PPFIA2: variants seen among roughly 807,000 people sequenced by gnomAD.
The protein encoded by PPFIA2 is PPFI scaffold protein A2.
In PPFIA2, 46 loss-of-function variants were observed where a neutral mutation model predicts 175.5. That is an observed-to-expected ratio of 0.26 (90% CI 0.21 to 0.34). PPFIA2 has a LOEUF of 0.34. PPFIA2 is among the 10% of genes least tolerant of loss of function. The probability of loss-of-function intolerance (pLI) is 1.00; values close to 1 mark genes in which losing one functional copy is unlikely to be tolerated. For missense variants in PPFIA2, 1,179 were observed against 1,506.1 expected (o/e 0.78, Z 3.60); for synonymous variants, 568 against 511.4 (o/e 1.11, Z -1.49).
intron 29 of PPFIA2, 84 bp from the exon 30 acceptor site, chr12:81,267,104 A>C: frequency 1.0e-6 from 1 of 979,912 alleles, no homozygotes; most frequent in Non-Finnish European, 1.6e-6. Context: ...CTGATAATGT[A>C]TTATAAACCA....
intron 7 of PPFIA2, among the ~76,000 whole-genome samples, chr12:81,426,207 T>C (rs535200798): frequency 6.6e-6 from 1 of 152,240 alleles, no homozygotes; most frequent in Admixed American, 6.5e-5. Flanking sequence ...TTGATTGACG[T>C]TCCTTGGTTG....
chr12:81,473,574 C>T (rs2057068736), intron 4 of PPFIA2, among the ~76,000 whole-genome samples: 1 of 152,176 alleles, frequency 6.6e-6, no homozygotes, highest in Non-Finnish European at 1.5e-5. Flanking sequence ...ATTATCATGA[C>T]ATTTTTCCTG....
At chr12:81,749,629 C>T (rs2083487306) in intron 3 of PPFIA2, among the ~76,000 whole-genome samples, 1 of 144,158 alleles carries the variant, frequency 6.9e-6, no homozygotes, top group Non-Finnish European at 1.6e-5. Context: ...AATGATTATT[C>T]ACATATATGT....
In PPFIA2 at chr12:81,583,449, C is replaced by T. The variant is rs571030460; in HGVS notation, c.303+93342G>A. Among the ~76,000 whole-genome samples, 9 of 151,880 alleles carry T rather than the reference C, an allele frequency of 5.9e-5. No individual in the cohort carries two copies. In the South Asian group the frequency reaches 1.9e-3, roughly 32 times the overall value. ...TTTTCAATTTCTTCAGCATTCTCTG[C>T]CTTCTATCAATAAATACAGTAAAGA... On this transcript the variant is annotated intron_variant, in intron 4 of 32. Coordinates refer to ENST00000549396, the MANE Select transcript of PPFIA2 (RefSeq NM_003625.5).
intron 21 of PPFIA2, among the ~76,000 whole-genome samples, chr12:81,338,268 G>A (rs1163131210): frequency 6.6e-6 from 1 of 151,992 alleles, no homozygotes; most frequent in Non-Finnish European, 1.5e-5. Context: ...TACCACTGTA[G>A]GTAGGAGTTT....
chr12:81,379,576 T>C (rs2141858307), intron 9 of PPFIA2, among the ~76,000 whole-genome samples: 1 of 152,282 alleles, frequency 6.6e-6, no homozygotes, highest in African/African-American at 2.4e-5. Context: ...TATATCATTA[T>C]CCATACACAA....
chr12:81,758,332 T>TG (rs2085014082), intron 2 of PPFIA2, 68 bp downstream of exon 2: 1 of 446,666 alleles, frequency 2.2e-6, no homozygotes, highest in African/African-American at 2.0e-5. Flanking sequence ...GGGGGCGGGG[T>TG]GGGGCCGGGG....
At chr12:81,320,948 C>T (rs1192203613) in intron 22 of PPFIA2, among the ~76,000 whole-genome samples, 1 of 151,800 alleles carries the variant, frequency 6.6e-6, no homozygotes, top group Non-Finnish European at 1.5e-5. Flanking sequence ...CATAACAAGT[C>T]TTCAGTTTGA....
At chr12:81,396,315 A>T (rs546776099) in intron 8 of PPFIA2, among the ~76,000 whole-genome samples, 1 of 152,230 alleles carries the variant, frequency 6.6e-6, no homozygotes, top group South Asian at 2.1e-4. Flanking sequence ...GGCAGACAAT[A>T]CATTACAGAC....
chr12:81,500,112 C>T (rs144764643), intron 4 of PPFIA2, among the ~76,000 whole-genome samples: 46 of 152,226 alleles, frequency 3.0e-4, no homozygotes, highest in African/African-American at 9.1e-4. Flanking sequence ...CATGTTTTCC[C>T]GGCACATAGT....
intron 4 of PPFIA2, among the ~76,000 whole-genome samples, chr12:81,623,675 G>T (rs1280140746): frequency 6.6e-6 from 1 of 152,020 alleles, no homozygotes; most frequent in East Asian, 1.9e-4. Context: ...ACACTTGAAA[G>T]ATGAACAAAT....
At chr12:81,711,343 C>T (rs1403009123) in intron 3 of PPFIA2, among the ~76,000 whole-genome samples, 1 of 151,372 alleles carries the variant, frequency 6.6e-6, no homozygotes, top group Non-Finnish European at 1.5e-5. Context: ...TATAAACACA[C>T]ACATACACAT....
intron 3 of PPFIA2, among the ~76,000 whole-genome samples, chr12:81,718,053 G>A (rs1479704559): frequency 1.3e-5 from 2 of 151,530 alleles, no homozygotes; most frequent in Non-Finnish European, 3.0e-5. Flanking sequence ...TGCTTCCAAG[G>A]GAGACAGGAA....
chr12:81,300,470 A>T (rs1348060740), intron 22 of PPFIA2, among the ~76,000 whole-genome samples: 1 of 152,174 alleles, frequency 6.6e-6, no homozygotes, highest in Non-Finnish European at 1.5e-5. Flanking sequence ...TAAGATATAT[A>T]ATGAATAAAA....
chr12:81,412,334 GCAAAA>G (rs2044125018), intron 7 of PPFIA2, among the ~76,000 whole-genome samples: 1 of 77,104 alleles, frequency 1.3e-5, no homozygotes, highest in Non-Finnish European at 2.3e-5. Flanking sequence ...AGTTAAGGAG[GCAAAA>G]AAAAAAAAAA....
chr12:81,377,325 C>A (rs1251306991), intron 9 of PPFIA2, among the ~76,000 whole-genome samples: 1 of 152,114 alleles, frequency 6.6e-6, no homozygotes, highest in Non-Finnish European at 1.5e-5. Context: ...GTGGGCAGAT[C>A]TCTTGAGGTC....
chr12:81,381,987 A>G (rs1436197472), intron 9 of PPFIA2, among the ~76,000 whole-genome samples: 3 of 152,128 alleles, frequency 2.0e-5, no homozygotes, highest in Non-Finnish European at 4.4e-5. Flanking sequence ...AAAAAACCCT[A>G]GCTCTTATAG....
At chr12:81,559,214 C>T (rs1478531020) in intron 4 of PPFIA2, among the ~76,000 whole-genome samples, 1 of 152,122 alleles carries the variant, frequency 6.6e-6, no homozygotes, top group African/African-American at 2.4e-5. Context: ...CATATTTCAA[C>T]AATAAGAGGG....
At chr12:81,703,039 C>T (rs1271023794) in intron 3 of PPFIA2, among the ~76,000 whole-genome samples, 2 of 152,134 alleles carry the variant, frequency 1.3e-5, no homozygotes, top group Non-Finnish European at 2.9e-5. Flanking sequence ...TATTTTGTTA[C>T]AGCAGCACAA....
Sources: allele counts gnomAD v4.1 joint callset (sites outside exome capture counted in the v4.1 genomes callset), GRCh38; gene constraint gnomAD v4.1.1; transcripts MANE v1.5; gene names NCBI Gene and HGNC (gene_info 2026-07-23, HGNC 2026-07-21).